The following BLMH variants were observed in gnomAD, a reference collection of about 807,000 sequenced individuals.
BLMH encodes bleomycin hydrolase.
In BLMH, 32 loss-of-function variants were observed where a neutral mutation model predicts 61.6. The observed-to-expected ratio is 0.52, with a 90% CI of 0.39 to 0.70. The LOEUF is 0.70. BLMH is among the 30% of genes least tolerant of loss of function. The pLI is 0.00. For synonymous variants in BLMH, 183 were observed against 193.8 expected (o/e 0.94, Z 0.46); for missense variants, 460 against 555.5 (o/e 0.83, Z 1.73).
chr17:30,274,031 C>G lies in BLMH; in HGVS notation c.801+11G>C, dbSNP rs1207372212. ...GTAAACAGCCAGTGACTACCAGTGC[C>G]ATTCACCAACCTTATCTTCCATATT... On this transcript the variant is annotated intron_variant, in intron 7 of 11. Transcript: ENST00000261714. 1 of 1,614,000 alleles carries G rather than the reference C, an allele frequency of 6.2e-7. No homozygotes were observed. Among genetic ancestry groups the G allele is most frequent in the Admixed American group, 1.7e-5 (1 of 59,994 alleles).
intron 6 of BLMH, among the ~76,000 whole-genome samples, chr17:30,275,684 T>A (rs1376758944): frequency 6.7e-6 from 1 of 149,612 alleles, no homozygotes; most frequent in Non-Finnish European, 1.5e-5. Context: ...AGACTCCATC[T>A]CAAAAAAAAA....
chr17:30,288,071 T>G, intron 3 of BLMH, 124 bp from the exon 4 acceptor site: 3 of 1,036,928 alleles, frequency 2.9e-6, no homozygotes, highest in Non-Finnish European at 4.0e-6. Flanking sequence ...TTTTTCTTTT[T>G]AAAAACATGA....
At chr17:30,258,487 GGTGGAAAAT>G (rs1907874226) in intron 11 of BLMH, among the ~76,000 whole-genome samples, 1 of 152,100 alleles carries the variant, frequency 6.6e-6, no homozygotes, top group South Asian at 2.1e-4. Context: ...AAAAATGCAG[GGTGGAAAAT>G]GTGGTAGAGA....
intron 6 of BLMH, among the ~76,000 whole-genome samples, chr17:30,279,169 T>G (rs937753506): frequency 6.6e-6 from 1 of 152,234 alleles, no homozygotes; most frequent in Non-Finnish European, 1.5e-5. Context: ...ATTCTAAATC[T>G]GGTTTAAAAA....
chr17:30,256,389 C>T (rs1052878867), intron 11 of BLMH, among the ~76,000 whole-genome samples: 3 of 152,122 alleles, frequency 2.0e-5, no homozygotes, highest in Admixed American at 6.5e-5. Context: ...AGTGCAGTGG[C>T]GTGATCTCAG....
chr17:30,256,031 C>T (rs200054404), intron 11 of BLMH, among the ~76,000 whole-genome samples: 56 of 152,150 alleles, frequency 3.7e-4, no homozygotes, highest in Non-Finnish European at 6.6e-4. Context: ...GGACTACAGA[C>T]GTGCGCCTCC....
chr17:30,249,455 C>A, intron 11 of BLMH: 1 of 378,244 alleles, frequency 2.6e-6, no homozygotes. Flanking sequence ...AGGCTAACAC[C>A]AGATCCTGTA....
chr17:30,259,094 T>A (rs1330680167), intron 11 of BLMH, among the ~76,000 whole-genome samples: 1 of 152,218 alleles, frequency 6.6e-6, no homozygotes, highest in Non-Finnish European at 1.5e-5. Context: ...CCCTTGCAGT[T>A]TATCCCGTGT....
At chr17:30,290,231 C>T (rs1908847210) in intron 2 of BLMH, among the ~76,000 whole-genome samples, 1 of 152,156 alleles carries the variant, frequency 6.6e-6, no homozygotes, top group Non-Finnish European at 1.5e-5. Context: ...GATGTGAAAA[C>T]TGCATGAAAA....
At position 30,291,203 on chromosome 17, in the gene BLMH, T is replaced by A. The variant is rs917370983; in HGVS notation, c.211+108A>T. On this transcript the variant is annotated intron_variant, in intron 2 of 11. Coordinates refer to ENST00000261714, the MANE Select transcript of BLMH (RefSeq NM_000386.4). The stretch of plus-strand genomic sequence containing the variant: ...ACCTGTGCCTCATTCTTTACGAATT[T>A]ACGACCAGTTCTTTCAGTACGAATT... The A allele has an allele frequency of 2.9e-6, 4 of 1,362,562 alleles. No homozygotes were observed. The South Asian group carries it at 3.9e-5, about 13-fold the overall frequency. The allele number at this position is 1,362,562 out of a possible 1,614,324, so 84.4% of individuals were successfully genotyped here. A position where few individuals can be genotyped will look rare whatever the true frequency, so the allele number is the denominator to read the frequency against.
At chr17:30,260,663 TGAGGTCTG>T (rs1432450683) in intron 11 of BLMH, among the ~76,000 whole-genome samples, 1 of 152,106 alleles carries the variant, frequency 6.6e-6, no homozygotes, top group African/African-American at 2.4e-5. Flanking sequence ...GCAGATCACT[TGAGGTCTG>T]GAGTTCGAGA....
chr17:30,279,081 A>G (rs953661667), intron 6 of BLMH, among the ~76,000 whole-genome samples: 1 of 152,266 alleles, frequency 6.6e-6, no homozygotes, highest in Non-Finnish European at 1.5e-5. Flanking sequence ...AGGCAAAGAT[A>G]TACACGGCTC....
At chr17:30,287,072 G>C (rs1908754286) in intron 4 of BLMH, among the ~76,000 whole-genome samples, 170 bp from the exon 5 acceptor site, 1 of 152,090 alleles carries the variant, frequency 6.6e-6, no homozygotes, top group African/African-American at 2.4e-5. Flanking sequence ...TTTTGACAGA[G>C]TTTTGCTCTG....
Position 30,253,767 on chromosome 17 carries a change from G to A in BLMH, c.1217-4599C>T, listed in dbSNP as rs187319595. Among the ~76,000 whole-genome samples the A allele has an allele frequency of 1.1e-3, 162 of 152,266 alleles. 1 individual carries two copies. The Middle Eastern group carries it at 0.02, about 19-fold the overall frequency. Reference sequence around the variant, plus strand: ...GACAAATAGATAAAGTCAGCTTTAGGAACTAAGGTGAAATTAAATTTTGTT... The same window carrying A: ...GACAAATAGATAAAGTCAGCTTTAGAAACTAAGGTGAAATTAAATTTTGTT... On this transcript the variant is annotated intron_variant, in intron 11 of 11. Transcript: ENST00000261714.
At chr17:30,277,157 CTG>C (rs1288295905) in intron 6 of BLMH, among the ~76,000 whole-genome samples, 1 of 152,176 alleles carries the variant, frequency 6.6e-6, no homozygotes, top group African/African-American at 2.4e-5. Context: ...TTAAGATTTA[CTG>C]TGTGTGTTAC....
At chr17:30,256,751 A>G (rs1415241661) in intron 11 of BLMH, among the ~76,000 whole-genome samples, 3 of 151,908 alleles carry the variant, frequency 2.0e-5, no homozygotes, top group African/African-American at 7.2e-5. Flanking sequence ...AAAAAGAAGG[A>G]TAAGTGAGAA....
chr17:30,260,919 A>AT lies in BLMH; in HGVS notation c.1216+5965dup, dbSNP rs761689979. Among the ~76,000 whole-genome samples, 7 of 152,248 alleles carry AT rather than the reference A, an allele frequency of 4.6e-5. No homozygotes were observed. In the South Asian group the frequency reaches 8.3e-4, roughly 18 times the overall value. ...ACAACAACGGCAACAAAAAGCCCTTATCAAAGAACCCAGAATCCAGATTAA... is the reference window on the plus strand; with the variant it reads ...ACAACAACGGCAACAAAAAGCCCTTATTCAAAGAACCCAGAATCCAGATTAA... On this transcript the variant is annotated intron_variant, in intron 11 of 11. Coordinates refer to ENST00000261714, the MANE Select transcript of BLMH (RefSeq NM_000386.4).
At chr17:30,273,165 A>ATTT (rs35833844) in intron 7 of BLMH, 93 of 193,454 alleles carry the variant, frequency 4.8e-4, no homozygotes, top group Middle Eastern at 2.1e-3. Context: ...TCCAAAAGCA[A>ATTT]TTTTTTTTTT....
chr17:30,265,498 G>A (rs1000146206), intron 11 of BLMH, among the ~76,000 whole-genome samples: 2 of 152,156 alleles, frequency 1.3e-5, no homozygotes, highest in African/African-American at 2.4e-5. Flanking sequence ...TCTAAACACA[G>A]AGAGGGGCAA....
Sources: gnomAD v4.1 joint callset for allele counts (sites outside exome capture counted in the v4.1 genomes callset) on GRCh38, gnomAD v4.1.1 for gene constraint, MANE v1.5 for transcripts, NCBI Gene and HGNC (gene_info 2026-07-23, HGNC 2026-07-21) for gene names.